The following PRLR variants were observed in gnomAD, a reference collection of about 807,000 sequenced individuals.
PRLR encodes hPRL receptor.
PRLR carries 13 observed loss-of-function variants against 40.2 expected under a neutral mutation model. The ratio of observed to expected loss-of-function variants is 0.32; its 90% CI spans 0.21 to 0.51. The LOEUF (loss-of-function observed/expected upper bound fraction) is 0.51. Among genes scored for constraint, PRLR ranks in the 20% least tolerant of loss-of-function variants. The probability of loss-of-function intolerance (pLI) is 0.97; values close to 1 mark genes in which losing one functional copy is unlikely to be tolerated. For missense variants in PRLR, 656 were observed against 747.3 expected (o/e 0.88, Z 1.42); for synonymous variants, 269 against 278.7 (o/e 0.97, Z 0.35).
intron 1 of PRLR, among the ~76,000 whole-genome samples, chr5:35,199,801 T>G (rs995481630): frequency 2.0e-5 from 3 of 152,190 alleles, no homozygotes; most frequent in African/African-American, 7.2e-5. Context: ...CCTCCATAGA[T>G]TCCAAATTTG....
intron 8 of PRLR, among the ~76,000 whole-genome samples, chr5:35,049,686 A>G (rs958981499): frequency 2.6e-5 from 4 of 152,120 alleles, no homozygotes; most frequent in African/African-American, 7.2e-5. Flanking sequence ...GAAAGTCTTC[A>G]TATTTTTTGT....
intron 8 of PRLR, among the ~76,000 whole-genome samples, chr5:35,068,492 G>T (rs542106183): frequency 6.6e-6 from 1 of 152,150 alleles, no homozygotes; most frequent in African/African-American, 2.4e-5. Flanking sequence ...TTTGAAGTTA[G>T]TGGATTATCT....
chr5:35,198,071 C>A (rs988903924), intron 1 of PRLR, among the ~76,000 whole-genome samples: 2 of 152,208 alleles, frequency 1.3e-5, no homozygotes, highest in African/African-American at 4.8e-5. Flanking sequence ...ATCTTTCAGC[C>A]TCCCTCAGAT....
chr5:35,093,607 G>C (rs1771356732), intron 2 of PRLR, among the ~76,000 whole-genome samples: 1 of 152,222 alleles, frequency 6.6e-6, no homozygotes, highest in Non-Finnish European at 1.5e-5. Context: ...GTTAGGCAGG[G>C]ATTCTGAGGT....
At chr5:35,145,161 A>G (rs1208051840) in intron 1 of PRLR, among the ~76,000 whole-genome samples, 1 of 152,184 alleles carries the variant, frequency 6.6e-6, no homozygotes, top group African/African-American at 2.4e-5. Flanking sequence ...TGATTTTCAC[A>G]AACGTTTTAT....
intron 1 of PRLR, among the ~76,000 whole-genome samples, chr5:35,126,033 T>G (rs1222790979): frequency 6.6e-6 from 1 of 152,212 alleles, no homozygotes; most frequent in Non-Finnish European, 1.5e-5. Flanking sequence ...TGTTTTGCTA[T>G]CCAAAGCTGC....
intron 4 of PRLR, 42 bp from the exon 5 acceptor site, chr5:35,084,681 A>C (rs755388102): frequency 3.0e-5 from 47 of 1,567,858 alleles, no homozygotes; most frequent in Non-Finnish European, 4.1e-5. Context: ...GAAAGTAATA[A>C]AGAGAGTCTA....
intron 2 of PRLR, among the ~76,000 whole-genome samples, chr5:35,104,059 G>A (rs532453390): frequency 1.8e-4 from 28 of 152,090 alleles, no homozygotes; most frequent in South Asian, 4.2e-4. Flanking sequence ...TTTATATCCC[G>A]TACAGTTCAA....
At chr5:35,157,563 T>TAAATGCAGACATTTATCCA (rs1330681495) in intron 1 of PRLR, among the ~76,000 whole-genome samples, 1 of 152,220 alleles carries the variant, frequency 6.6e-6, no homozygotes, top group Non-Finnish European at 1.5e-5. Context: ...CACAGGGTTA[T>TAAATGCAGACATTTATCCA]GGCATGTCCA....
chr5:35,120,673 T>C (rs1169571782), intron 1 of PRLR, among the ~76,000 whole-genome samples: 1 of 152,186 alleles, frequency 6.6e-6, no homozygotes, highest in Non-Finnish European at 1.5e-5. Flanking sequence ...GTCACATTAT[T>C]TGAAGTATGG....
chr5:35,195,244 G>T (rs565781142), intron 1 of PRLR: 1 of 152,330 alleles, frequency 6.6e-6, no homozygotes, highest in East Asian at 1.9e-4. Context: ...CCAAGGACTG[G>T]TCTGTCATGT....
intron 1 of PRLR, among the ~76,000 whole-genome samples, chr5:35,150,917 G>A (rs1342205012): frequency 1.3e-5 from 2 of 152,126 alleles, no homozygotes; most frequent in Admixed American, 1.3e-4. Context: ...ATTCCCTCCA[G>A]GAACAAGCTA....
At chr5:35,191,464 T>A (rs145461237) in intron 1 of PRLR, among the ~76,000 whole-genome samples, 305 of 152,308 alleles carry the variant, frequency 2.0e-3, no homozygotes, top group Non-Finnish European at 2.5e-3. Context: ...GAAAGGGACT[T>A]CTGAGGAACA....
chr5:35,081,941 G>T, intron 5 of PRLR: 1 of 203,208 alleles, frequency 4.9e-6, no homozygotes. Context: ...TGGTATGACA[G>T]TGAATTAGGC....
chr5:35,187,730 G>A (rs969620049), intron 1 of PRLR, among the ~76,000 whole-genome samples: 2 of 152,176 alleles, frequency 1.3e-5, no homozygotes, highest in African/African-American at 2.4e-5. Flanking sequence ...GTCTGAAGCC[G>A]CATAGCTTTG....
At chr5:35,091,871 T>A (rs142744323) in intron 2 of PRLR, among the ~76,000 whole-genome samples, 6 of 152,364 alleles carry the variant, frequency 3.9e-5, no homozygotes, top group African/African-American at 1.2e-4. Context: ...ATCCACTGGC[T>A]GAAGACTTTC....
chr5:35,119,767 A>G (rs1303756777), intron 1 of PRLR, among the ~76,000 whole-genome samples: 2 of 152,120 alleles, frequency 1.3e-5, no homozygotes, highest in African/African-American at 4.8e-5. Flanking sequence ...TAAGATCCAG[A>G]CTGTTTTTAC....
rs1190620323 is a variant in PRLR, at chr5:35,062,967, G to A, written c.*2122C>T. On this transcript the variant is annotated 3_prime_UTR_variant, in exon 10 of 10. Transcript: ENST00000618457. ...TTACTATGAACTAAAATAACCTTTA[G>A]TGGAAATGGTTGTCTAGAACAATGC... 6.6e-6 allele frequency: 1 copy of A among 152,168 alleles called. No individual in the cohort carries two copies. The highest frequency in any genetic ancestry group is 1.5e-5 in the Non-Finnish European group (1 of 68,028). The allele number at this position is 152,168 out of a possible 1,614,324, so 9.4% of individuals were successfully genotyped here.
chr5:35,140,628 T>C (rs1004099611), intron 1 of PRLR, among the ~76,000 whole-genome samples: 6 of 152,240 alleles, frequency 3.9e-5, no homozygotes, highest in African/African-American at 9.6e-5. Flanking sequence ...CTGTCCTTGA[T>C]GGACTTAGGC....
Sources: gnomAD v4.1 joint callset for allele counts (sites outside exome capture counted in the v4.1 genomes callset) on GRCh38, gnomAD v4.1.1 for gene constraint, MANE v1.5 for transcripts, NCBI Gene and HGNC (gene_info 2026-07-23, HGNC 2026-07-21) for gene names.